The following NUP210 variants were observed in gnomAD, a reference collection of about 807,000 sequenced individuals.
NUP210 encodes nuclear pore membrane glycoprotein 210.
A neutral mutation model predicts 196.0 loss-of-function variants in NUP210; 151 were observed. The ratio of observed to expected loss-of-function variants is 0.77; its 90% CI spans 0.67 to 0.88. The LOEUF (loss-of-function observed/expected upper bound fraction) is 0.88. Among genes scored for constraint, NUP210 ranks in the 40% least tolerant of loss-of-function variants. The pLI, the probability that NUP210 is intolerant of heterozygous loss-of-function variation, is 0.00. For missense variants in NUP210, 2,314 were observed against 2,493.7 expected, an observed-to-expected ratio of 0.93 and a Z score of 1.53; for synonymous variants, 1,070 against 1,052.7, an observed-to-expected ratio of 1.02 and a Z score of -0.32.
chr3:13,360,165 G>A, intron 15 of NUP210, 105 bp downstream of exon 15: 2 of 936,252 alleles, frequency 2.1e-6, no homozygotes, highest in Non-Finnish European at 3.3e-6. Flanking sequence ...AATAGGAGTG[G>A]CTGTCTCTCA....
chr3:13,360,302 T>A lies in NUP210; in HGVS notation c.2122A>T (p.Ile708Phe). ...CCCAAGGCCTGACAGGTCACAAGGA[T>A]CCAGTGTTGCTGATAATTCCGGGAG... ...HSSRNYQQHWILVTCQALGEQ... is the reference protein window; with the variant it reads ...HSSRNYQQHWFLVTCQALGEQ... The change falls in exon 15 of 40, where the codon ATC (isoleucine) becomes TTC (phenylalanine). Residue 708 changes from isoleucine (I) to phenylalanine (F), a missense_variant. Physicochemically the swap from Ile to Phe is conservative, Grantham distance 21 (BLOSUM62 0). Coordinates refer to ENST00000254508, the MANE Select transcript of NUP210 (RefSeq NM_024923.4). The A allele has an allele frequency of 6.2e-7, 1 of 1,614,128 alleles. No homozygotes were observed. The highest frequency in any genetic ancestry group is 8.5e-7 in the Non-Finnish European group (1 of 1,180,036).
intron 6 of NUP210, among the ~76,000 whole-genome samples, chr3:13,382,170 C>T (rs1341561347): frequency 6.6e-6 from 1 of 152,192 alleles, no homozygotes; most frequent in African/African-American, 2.4e-5. Context: ...GATACTGATT[C>T]GATCAGCCAG....
chr3:13,382,701 G>A (rs1236646828), intron 6 of NUP210, among the ~76,000 whole-genome samples: 1 of 152,176 alleles, frequency 6.6e-6, no homozygotes, highest in African/African-American at 2.4e-5. Flanking sequence ...GTCATCCAAC[G>A]CAGAATGCTC....
intron 16 of NUP210, among the ~76,000 whole-genome samples, chr3:13,355,998 G>A (rs997401692): frequency 3.3e-5 from 5 of 152,212 alleles, no homozygotes; most frequent in African/African-American, 1.2e-4. Context: ...AGGTTTAGGG[G>A]TGGAACTCAG....
chr3:13,350,381 G>C lies in NUP210; in HGVS notation c.2835+1498C>G, dbSNP rs551148111. 6.6e-6 allele frequency among the ~76,000 whole-genome samples: 1 copy of C among 152,100 alleles called. No individual in the cohort carries two copies. The highest frequency in any genetic ancestry group is 1.5e-5 in the Non-Finnish European group (1 of 68,034). ...CATGGGGATGGGGAATCAGTACCCA[G>C]AGTTTCTACAATACATTACCTAAAA... On this transcript the variant is annotated intron_variant, in intron 20 of 39. Transcript: ENST00000254508. This position sits in a 1 kb window ranked among gnomAD's most constrained non-coding sequence, Gnocchi z 4.1.
chr3:13,407,092 T>C (rs764427112), intron 1 of NUP210, among the ~76,000 whole-genome samples: 2 of 152,118 alleles, frequency 1.3e-5, no homozygotes, highest in Non-Finnish European at 2.9e-5. Flanking sequence ...ATCTGCACAA[T>C]AGGAATGAAA....
At chr3:13,358,471 C>T (rs1178059305) in intron 15 of NUP210, 76 bp from the exon 16 acceptor site, 2 of 1,401,414 alleles carry the variant, frequency 1.4e-6, no homozygotes, top group East Asian at 2.5e-5. Flanking sequence ...ACACCCCACC[C>T]CAGCTCCCTC....
intron 10 of NUP210, 113 bp downstream of exon 10, chr3:13,376,178 G>C (rs1180961249): frequency 8.7e-6 from 9 of 1,030,110 alleles, no homozygotes; most frequent in South Asian, 7.4e-5. Context: ...AACAGGAAAA[G>C]GGATGCAGGT....
chr3:13,386,825 G>A (rs1430869556), intron 5 of NUP210, among the ~76,000 whole-genome samples: 1 of 152,182 alleles, frequency 6.6e-6, no homozygotes, highest in Non-Finnish European at 1.5e-5. Context: ...GGCATATGCT[G>A]TGATGAGCCT....
At position 13,343,207 on chromosome 3, in the gene NUP210, T is replaced by C; in HGVS notation, c.2932A>G (p.Ile978Val). Residue 978 changes from isoleucine to valine, a missense_variant, in exon 21 of 40, where the codon ATT (isoleucine) becomes GTT (valine). Transcript: ENST00000254508. Reference sequence around the variant, plus strand: ...ACCACACGGATGTACAGCTCCTGAATGTCCGACACGTAAACGACAGCCTTG... The same window carrying C: ...ACCACACGGATGTACAGCTCCTGAACGTCCGACACGTAAACGACAGCCTTG... ...PAKAVVYVSDIQELYIRVVDK... is the reference protein window; with the variant it reads ...PAKAVVYVSDVQELYIRVVDK... 1 of 1,614,180 alleles carries C rather than the reference T, an allele frequency of 6.2e-7. No individual in the cohort carries two copies. Among genetic ancestry groups the C allele is most frequent in the Non-Finnish European group, 8.5e-7 (1 of 1,180,024 alleles).
Position 13,372,012 on chromosome 3 carries a change from G to A in NUP210, c.1608C>T (p.His536=), listed in dbSNP as rs777739482. The part of the protein sequence containing the change: ...GEMKVYVIEP[H]SMEFAPCQVE... The stretch of plus-strand genomic sequence containing the variant: ...CCTGGCACGGGGCAAACTCCATGCT[G>A]TGGGGCTCGATCACATACACCTGGA... The change falls in exon 13 of 40, where the codon CAC becomes CAT. Residue 536 remains histidine (H), a synonymous_variant. Transcript: ENST00000254508. 2 of 1,585,100 alleles carry A rather than the reference G, an allele frequency of 1.3e-6. No individual in the cohort carries two copies. The highest frequency in any genetic ancestry group is 1.7e-6 in the Non-Finnish European group (2 of 1,164,632).
intron 16 of NUP210, among the ~76,000 whole-genome samples, chr3:13,355,504 T>C (rs1029150701): frequency 1.3e-5 from 2 of 152,206 alleles, no homozygotes; most frequent in Non-Finnish European, 2.9e-5. Context: ...AGAGGTGAGC[T>C]TGTGCCATGT....
intron 1 of NUP210, among the ~76,000 whole-genome samples, chr3:13,419,092 G>A (rs148549332): frequency 7.6e-4 from 115 of 152,100 alleles, no homozygotes; most frequent in Middle Eastern, 3.4e-3. Context: ...ACACACACAT[G>A]TCCAGGCTTA....
rs146504711 is a variant in NUP210, at chr3:13,323,410, C to A, written c.4667G>T (p.Arg1556Met). Residue 1556 changes from arginine (R) to methionine (M), a missense_variant, in exon 34 of 40, where the codon AGG (arginine) becomes ATG (methionine). Physicochemically the swap from Arg to Met is moderately conservative, Grantham distance 91 (BLOSUM62 -1). Transcript: ENST00000254508. This position sits in a 1 kb window ranked among gnomAD's most constrained non-coding sequence, Gnocchi z 4.3. ...YKEVVVSVPQ[R>M]IMARHLHPIQ... ...GGGGTGGAGGTGACGGGCCATGATC[C>A]TCTGAGGGACGCTGACCACCACCTA... 4.2e-4 allele frequency: 682 copies of A among 1,614,128 alleles called. 3 individuals are homozygous for A. In the African/African-American group the frequency reaches 7.6e-3, roughly 18 times the overall value.
intron 1 of NUP210, among the ~76,000 whole-genome samples, chr3:13,401,279 A>AAAAAAAAAAAAAAAC (rs1699831013): frequency 6.6e-6 from 1 of 150,422 alleles, no homozygotes; most frequent in African/African-American, 2.4e-5. Flanking sequence ...AAAAAAAAAA[A>AAAAAAAAAAAAAAAC]AGGCAATGGT....
intron 1 of NUP210, among the ~76,000 whole-genome samples, chr3:13,413,848 T>C (rs1195295858): frequency 2.0e-5 from 3 of 152,248 alleles, no homozygotes; most frequent in East Asian, 3.8e-4. Flanking sequence ...GTCGATTATA[T>C]GTTATATATA....
intron 1 of NUP210, among the ~76,000 whole-genome samples, chr3:13,414,441 G>T (rs959953700): frequency 6.6e-6 from 1 of 152,196 alleles, no homozygotes; most frequent in African/African-American, 2.4e-5. Context: ...CCCTGCAGGG[G>T]CCACAGCTAC....
rs200171517 is a variant in NUP210, at chr3:13,360,404, C to T, written c.2020G>A (p.Glu674Lys). ...ACGTTCTGGAAGAATTTGGACGGCTCGAGGATCCAAGGTCTGGGACCTCCT... is the reference window on the plus strand; with the variant it reads ...ACGTTCTGGAAGAATTTGGACGGCTTGAGGATCCAAGGTCTGGGACCTCCT... Reference protein sequence around the residue: ...FEGGPRPWILEPSKFFQNVTA... With the variant: ...FEGGPRPWILKPSKFFQNVTA... The change falls in exon 15 of 40, where the codon GAG (glutamate) becomes AAG (lysine). Residue 674 changes from glutamate to lysine, a missense_variant. By Grantham distance (56) the Glu-to-Lys change is moderately conservative (BLOSUM62 1). Coordinates refer to ENST00000254508, the MANE Select transcript of NUP210 (RefSeq NM_024923.4). 101 of 1,613,938 alleles carry T rather than the reference C, an allele frequency of 6.3e-5. No homozygotes were observed. In the East Asian group the frequency reaches 2.0e-3, roughly 32 times the overall value.
At position 13,355,348 on chromosome 3, in the gene NUP210, C is replaced by T. The variant is rs992486176; in HGVS notation, c.2329-1241G>A. ...AGGGGGAAGCTTCACTGCCAGATCC[C>T]GACCTGCCACATTCCCTTTCTCTCC... On this transcript the variant is annotated intron_variant, in intron 16 of 39. Coordinates refer to ENST00000254508, the MANE Select transcript of NUP210 (RefSeq NM_024923.4). Among the ~76,000 whole-genome samples the T allele has an allele frequency of 2.0e-5, 3 of 152,182 alleles. 1 individual carries two copies. The highest frequency in any genetic ancestry group is 2.0e-4 in the Admixed American group (3 of 15,278).
Sources: allele counts gnomAD v4.1 joint callset (sites outside exome capture counted in the v4.1 genomes callset), GRCh38; gene constraint gnomAD v4.1.1; non-coding constraint Gnocchi (gnomAD v3.1); transcripts MANE v1.5; gene names NCBI Gene and HGNC (gene_info 2026-07-23, HGNC 2026-07-21).